Variants in ARID3A observed in about 807,000 individuals in gnomAD.
ARID3A encodes the protein AT-rich interactive domain-containing protein 3A.
ARID3A carries 11 observed loss-of-function variants against 52.7 expected under a neutral mutation model. The ratio of observed to expected loss-of-function variants is 0.21; its 90% CI spans 0.13 to 0.35. The LOEUF (loss-of-function observed/expected upper bound fraction) is 0.35, where lower values mean the gene tolerates loss of function less well. Among genes scored for constraint, ARID3A ranks in the 10% least tolerant of loss-of-function variants. ARID3A has a pLI of 1.00. For missense variants in ARID3A, 721 were observed against 838.5 expected, an observed-to-expected ratio of 0.86 and a Z score of 1.73; for synonymous variants, 404 against 359.4, an observed-to-expected ratio of 1.12 and a Z score of -1.40.
chr19:965,015 C>A lies in ARID3A; in HGVS notation c.1133C>A (p.Ser378Tyr). Residue 378 changes from serine to tyrosine, a missense_variant, in exon 6 of 9, where the codon TCC becomes TAC. Physicochemically the swap from Ser to Tyr is moderately radical, Grantham distance 144 (BLOSUM62 -2). Coordinates refer to ENST00000263620, the MANE Select transcript of ARID3A (RefSeq NM_005224.3). ...CTCTCCTCACCCAAGCTACCCGTGTCCTCCCTGGGCCTGGCCGCAAGCACC... is the reference window on the plus strand; with the variant it reads ...CTCTCCTCACCCAAGCTACCCGTGTACTCCCTGGGCCTGGCCGCAAGCACC... Reference protein sequence around the residue: ...GMLSSPKLPVSSLGLAASTNG... With the variant: ...GMLSSPKLPVYSLGLAASTNG... 6.2e-7 allele frequency: 1 copy of A among 1,613,622 alleles called. No individual in the cohort carries two copies. Among genetic ancestry groups the A allele is most frequent in the Non-Finnish European group, 8.5e-7 (1 of 1,179,878 alleles).
Position 947,643 on chromosome 19 carries a change from G to C in ARID3A, c.694-12449G>C, listed in dbSNP as rs2037714372. Among the ~76,000 whole-genome samples the C allele has an allele frequency of 6.6e-6, 1 of 152,206 alleles. No individual in the cohort carries two copies. Among genetic ancestry groups the C allele is most frequent in the Non-Finnish European group, 1.5e-5 (1 of 68,034 alleles). On this transcript the variant is annotated intron_variant, in intron 3 of 8. Coordinates refer to ENST00000263620, the MANE Select transcript of ARID3A (RefSeq NM_005224.3). The surrounding 1 kb of genome is among the most constrained non-coding windows in gnomAD (Gnocchi z 6.3). ...AATGAGGAGGGTCTGGCGTCAGCAA[G>C]CTCCCCCGGAATCTCGTGATCTGGA... is the stretch of plus-strand genomic sequence containing the variant.
intron 3 of ARID3A, among the ~76,000 whole-genome samples, chr19:933,496 G>A (rs1048499653): frequency 1.3e-5 from 2 of 152,202 alleles, no homozygotes; most frequent in Non-Finnish European, 2.9e-5. Context: ...CGACCTCTGG[G>A]CGCGGCTGGG....
intron 3 of ARID3A, among the ~76,000 whole-genome samples, chr19:950,821 T>C (rs2037789297): frequency 6.6e-6 from 1 of 151,672 alleles, no homozygotes; most frequent in African/African-American, 2.4e-5. Flanking sequence ...GAATTAGTTC[T>C]TTATTTTGTT....
At chr19:934,216 C>A (rs138948825) in intron 3 of ARID3A, among the ~76,000 whole-genome samples, 1 of 152,220 alleles carries the variant, frequency 6.6e-6, no homozygotes, top group East Asian at 1.9e-4. Context: ...AGGGTCAAGG[C>A]CCCCCATTCA....
rs1412403582 is a variant in ARID3A at position 959,343 on chromosome 19, G to A, written c.694-749G>A. On this transcript the variant is annotated intron_variant, in intron 3 of 8. Coordinates refer to ENST00000263620, the MANE Select transcript of ARID3A (RefSeq NM_005224.3). The surrounding 1 kb of genome is among the most constrained non-coding windows in gnomAD (Gnocchi z 5.0). ...GGCTGGAGTGCAGTGGTGCGGTCTC[G>A]GCTCACTTCAGCCTCCACTGCCCAG... 1.3e-5 allele frequency among the ~76,000 whole-genome samples: 2 copies of A among 152,084 alleles called. No homozygotes were observed. The highest frequency in any genetic ancestry group is 4.8e-5 in the African/African-American group (2 of 41,398).
At chr19:934,022 G>A (rs350152) in intron 3 of ARID3A, among the ~76,000 whole-genome samples, 60,193 of 152,080 alleles carry the variant, frequency 0.4, 12,341 homozygotes, top group African/African-American at 0.49. Context: ...AAGATGATAC[G>A]GATGAGCATG....
rs987141014 is a variant in ARID3A at position 941,062 on chromosome 19, C to T, written c.693+8320C>T. Reference sequence around the variant, plus strand: ...GTCACCGCCGCGGGGTCACCGCCGCCGCGGCCTGGCCCCACGCCCACCGCC... The same window carrying T: ...GTCACCGCCGCGGGGTCACCGCCGCTGCGGCCTGGCCCCACGCCCACCGCC... On this transcript the variant is annotated intron_variant, in intron 3 of 8. Transcript: ENST00000263620. This position sits in a 1 kb window ranked among gnomAD's most constrained non-coding sequence, Gnocchi z 6.9. Among the ~76,000 whole-genome samples, 1 of 152,078 alleles carries T rather than the reference C, an allele frequency of 6.6e-6. No individual in the cohort carries two copies. Among genetic ancestry groups the T allele is most frequent in the Non-Finnish European group, 1.5e-5 (1 of 67,984 alleles).
intron 1 of ARID3A, among the ~76,000 whole-genome samples, chr19:926,792 G>A (rs900979529): frequency 1.3e-5 from 2 of 151,786 alleles, no homozygotes; most frequent in African/African-American, 2.4e-5. Flanking sequence ...GAAGCGCTGG[G>A]AGCGCGCGTT....
At chr19:969,268 G>A (rs1158651525) in intron 8 of ARID3A, among the ~76,000 whole-genome samples, 1 of 152,064 alleles carries the variant, frequency 6.6e-6, no homozygotes, top group African/African-American at 2.4e-5. Flanking sequence ...TGGGTGCAGT[G>A]GCTCATGGCT....
chr19:973,104 A>AATTTTTTTTTTTTTTTTT lies in ARID3A; in HGVS notation c.*1039_*1040insATTTTTTTTTTTTTTTTT, dbSNP rs2038314500. On this transcript the variant is annotated 3_prime_UTR_variant, in exon 9 of 9. Transcript: ENST00000263620. ...GGGCTCTCGAGTCAGGGGCCTGGAA[A>AATTTTTTTTTTTTTTTTT]TTTTTTTTTTTTTTTTTTTTTGAGA... 1 of 53,488 alleles carries AATTTTTTTTTTTTTTTTT rather than the reference A, an allele frequency of 1.9e-5. No individual in the cohort carries two copies. Among genetic ancestry groups the AATTTTTTTTTTTTTTTTT allele is most frequent in the Non-Finnish European group, 3.4e-5 (1 of 29,006 alleles). 3.3% of individuals were successfully genotyped at this position (53,488 alleles called of 1,614,324 possible). A position where few individuals can be genotyped will look rare whatever the true frequency, so the allele number is the denominator to read the frequency against.
chr19:967,852 C>T (rs1040330187), intron 7 of ARID3A, among the ~76,000 whole-genome samples: 1 of 151,710 alleles, frequency 6.6e-6, no homozygotes, highest in African/African-American at 2.4e-5. Context: ...CAAGACCAGC[C>T]TGGCCAACAT....
chr19:932,579 C>G lies in ARID3A; in HGVS notation c.530C>G (p.Ala177Gly). Residue 177 changes from alanine to glycine, a missense_variant, in exon 3 of 9, where the codon GCC becomes GGC. Physicochemically the swap from Ala to Gly is moderately conservative, Grantham distance 60. Coordinates refer to ENST00000263620, the MANE Select transcript of ARID3A (RefSeq NM_005224.3). ...LGTTALFPRK[A>G]QPPQAFRGDG... ...ACCACGGCACTGTTCCCCCGAAAGGCCCAGCCACCCCAGGCCTTCCGCGGC... is the reference window on the plus strand; with the variant it reads ...ACCACGGCACTGTTCCCCCGAAAGGGCCAGCCACCCCAGGCCTTCCGCGGC... 1 of 1,505,146 alleles carries G rather than the reference C, an allele frequency of 6.6e-7. No homozygotes were observed. The highest frequency in any genetic ancestry group is 8.9e-7 in the Non-Finnish European group (1 of 1,129,836). The allele number at this position is 1,505,146 out of a possible 1,614,324, so 93.2% of individuals were successfully genotyped here. A position where few individuals can be genotyped will look rare whatever the true frequency, so the allele number is the denominator to read the frequency against.
At position 941,890 on chromosome 19, in the gene ARID3A, C is replaced by A. The variant is rs2037563718; in HGVS notation, c.693+9148C>A. The stretch of plus-strand genomic sequence containing the variant: ...CAAAAGCGTGCCTGCTTGGGCTCGC[C>A]ACGTGTGCGCACGTGTGCCCGTGAC... On this transcript the variant is annotated intron_variant, in intron 3 of 8. Coordinates refer to ENST00000263620, the MANE Select transcript of ARID3A (RefSeq NM_005224.3). The surrounding 1 kb of genome is among the most constrained non-coding windows in gnomAD (Gnocchi z 6.9). 6.6e-6 allele frequency among the ~76,000 whole-genome samples: 1 copy of A among 151,946 alleles called. No individual in the cohort carries two copies. The highest frequency in any genetic ancestry group is 6.6e-5 in the Admixed American group (1 of 15,246).
intron 3 of ARID3A, among the ~76,000 whole-genome samples, chr19:958,847 T>C (rs1637992): frequency 0.94 from 143,604 of 152,078 alleles, 67,994 homozygotes; most frequent in East Asian, 1. Context: ...GAGCCGAGAT[T>C]GCACCCCTGC....
Position 929,834 on chromosome 19 carries a change from C to G in ARID3A, c.306C>G (p.Pro102=). The change falls in exon 2 of 9, where the codon CCC becomes CCG. Residue 102 remains proline, a synonymous_variant. Coordinates refer to ENST00000263620, the MANE Select transcript of ARID3A (RefSeq NM_005224.3). The surrounding 1 kb of genome is among the most constrained non-coding windows in gnomAD (Gnocchi z 6.2). ...DAAREGTPGS[P]GRGREGPGEE... is the part of the protein sequence containing the mutation. Reference sequence around the variant, plus strand: ...CCCGGGAGGGGACACCGGGCTCACCCGGGCGAGGCAGAGAAGGGCCAGGAG... The same window carrying G: ...CCCGGGAGGGGACACCGGGCTCACCGGGGCGAGGCAGAGAAGGGCCAGGAG... 2 of 1,545,270 alleles carry G rather than the reference C, an allele frequency of 1.3e-6. No individual in the cohort carries two copies. Among genetic ancestry groups the G allele is most frequent in the Non-Finnish European group, 1.7e-6 (2 of 1,147,424 alleles).
Position 945,741 on chromosome 19 carries a change from G to A in ARID3A, c.693+12999G>A, listed in dbSNP as rs966286699. Among the ~76,000 whole-genome samples, 6 of 152,326 alleles carry A rather than the reference G, an allele frequency of 3.9e-5. No homozygotes were observed. The South Asian group carries it at 1.2e-3, about 32-fold the overall frequency. ...TCCAGGCAGGCCCGTGTCCCATTGT[G>A]GGGACGGCGTCGACATGGCCGGGGC... On this transcript the variant is annotated intron_variant, in intron 3 of 8. Transcript: ENST00000263620.
rs2037481992 is a variant in ARID3A at position 938,493 on chromosome 19, AC to A, written c.693+5756del. 6.6e-6 allele frequency among the ~76,000 whole-genome samples: 1 copy of A among 151,776 alleles called. No homozygotes were observed. Among genetic ancestry groups the A allele is most frequent in the South Asian group, 2.1e-4 (1 of 4,798 alleles). On this transcript the variant is annotated intron_variant, in intron 3 of 8. Transcript: ENST00000263620. The surrounding 1 kb of genome is among the most constrained non-coding windows in gnomAD (Gnocchi z 4.0). Reference sequence around the variant, plus strand: ...GGGGACGTGTCAGAGCTGGAATTTGACCCCCGGGATGCACCTGCCAGAGAGG... The same window carrying A: ...GGGGACGTGTCAGAGCTGGAATTTGACCCCGGGATGCACCTGCCAGAGAGG...
intron 4 of ARID3A, among the ~76,000 whole-genome samples, chr19:963,988 G>A (rs1253635822): frequency 1.3e-5 from 2 of 152,172 alleles, no homozygotes; most frequent in African/African-American, 4.8e-5. Flanking sequence ...CCCTCCTCCC[G>A]AGGGCTGCGC....
rs1450564494 is a variant in ARID3A, at chr19:931,534, T to C, written c.369-884T>C. Among the ~76,000 whole-genome samples, 10 of 151,478 alleles carry C rather than the reference T, an allele frequency of 6.6e-5. No homozygotes were observed. In the East Asian group the frequency reaches 7.7e-4, roughly 12 times the overall value. On this transcript the variant is annotated intron_variant, in intron 2 of 8. Coordinates refer to ENST00000263620, the MANE Select transcript of ARID3A (RefSeq NM_005224.3). The stretch of plus-strand genomic sequence containing the variant: ...GGTTGTACAAACAGCTGCCAATGGC[T>C]GGGCGTGGTGGCTCACGCCTGTAAT...
Sources: gnomAD v4.1 joint callset for allele counts (sites outside exome capture counted in the v4.1 genomes callset) on GRCh38, gnomAD v4.1.1 for gene constraint, Gnocchi (gnomAD v3.1) non-coding constraint, MANE v1.5 for transcripts, NCBI Gene and HGNC (gene_info 2026-07-23, HGNC 2026-07-21) for gene names.